The following PTPN22 variants were observed in gnomAD, a reference collection of about 807,000 sequenced individuals.
The protein encoded by PTPN22 is protein tyrosine phosphatase non-receptor type 22.
Under a neutral mutation model 103.3 loss-of-function variants are expected in PTPN22, and 85 were observed. The ratio of observed to expected loss-of-function variants is 0.82; its 90% CI spans 0.69 to 0.99. PTPN22 has a LOEUF of 0.99. Among genes scored for constraint, PTPN22 ranks in the 50% least tolerant of loss-of-function variants. PTPN22 has a pLI of 0.00. For synonymous variants in PTPN22, 323 were observed against 310.2 expected, an observed-to-expected ratio of 1.04 and a Z score of -0.43; for missense variants, 865 against 936.9, an observed-to-expected ratio of 0.92 and a Z score of 1.00.
At chr1:113,842,218 G>A (rs1212160984) in intron 11 of PTPN22, among the ~76,000 whole-genome samples, 1 of 151,720 alleles carries the variant, frequency 6.6e-6, no homozygotes, top group African/African-American at 2.4e-5. Flanking sequence ...TAAAAAAAAA[G>A]TAGGGGTGGG....
chr1:113,834,366 C>G (rs1571371391), exon 15 of PTPN22: 1 of 1,613,932 alleles, frequency 6.2e-7, no homozygotes, highest in Non-Finnish European at 8.5e-7. Context: ...ATGTTCCACC[C>G]CATTCCAGTG....
At chr1:113,860,631 G>T (rs1012013715) in intron 1 of PTPN22, among the ~76,000 whole-genome samples, 1 of 152,126 alleles carries the variant, frequency 6.6e-6, no homozygotes, top group African/African-American at 2.4e-5. Flanking sequence ...ACTAATTTGG[G>T]AATTTAAGGA....
chr1:113,860,774 C>T (rs1665507360), intron 1 of PTPN22, among the ~76,000 whole-genome samples: 1 of 152,296 alleles, frequency 6.6e-6, no homozygotes, highest in East Asian at 1.9e-4. Context: ...TCTCAAGTCC[C>T]AGAACAGTTT....
chr1:113,856,578 C>G (rs1414011494), exon 6 of PTPN22: 3 of 1,614,224 alleles, frequency 1.9e-6, no homozygotes, highest in Admixed American at 1.7e-5. Flanking sequence ...CAAATTCCAG[C>G]TGCATCTCTC....
At chr1:113,826,358 G>GAA (rs544170680) in intron 18 of PTPN22, among the ~76,000 whole-genome samples, 6 of 145,020 alleles carry the variant, frequency 4.1e-5, no homozygotes, top group Non-Finnish European at 9.0e-5. Context: ...AAGAAAGAAA[G>GAA]AGAAAGAGAG....
At chr1:113,817,679 C>T (rs552306644) in intron 20 of PTPN22, among the ~76,000 whole-genome samples, 1 of 152,170 alleles carries the variant, frequency 6.6e-6, no homozygotes, top group East Asian at 1.9e-4. Context: ...ACTTCTGGCC[C>T]CAAGTAATCC....
chr1:113,855,097 A>C, intron 7 of PTPN22, 48 bp from the exon 8 acceptor site: 2 of 1,514,144 alleles, frequency 1.3e-6, no homozygotes, highest in African/African-American at 1.4e-5. Flanking sequence ...AGGGCTGAAA[A>C]ACCACCTATT....
intron 1 of PTPN22, chr1:113,864,176 A>G: frequency 2.4e-6 from 1 of 413,540 alleles, no homozygotes; most frequent in South Asian, 1.7e-5. Flanking sequence ...AAAAATAACA[A>G]ATGGTGCTAA....
chr1:113,859,010 A>T, exon 3 of PTPN22: 1 of 1,613,696 alleles, frequency 6.2e-7, no homozygotes, highest in Admixed American at 1.7e-5. Flanking sequence ...ACCTTAATGA[A>T]GTTGGCATTG....
intron 1 of PTPN22, among the ~76,000 whole-genome samples, chr1:113,860,816 C>A (rs1665515181): frequency 6.6e-6 from 1 of 152,210 alleles, no homozygotes; most frequent in Non-Finnish European, 1.5e-5. Flanking sequence ...AAGCTCAGTG[C>A]ATACTCCTTG....
At chr1:113,834,809 A>T in intron 14 of PTPN22, 101 bp downstream of exon 14, 2 of 973,716 alleles carry the variant, frequency 2.1e-6, no homozygotes, top group South Asian at 3.0e-5. Flanking sequence ...AACTCCTCAA[A>T]CTCAAGGCTC....
intron 10 of PTPN22, among the ~76,000 whole-genome samples, chr1:113,851,431 G>A (rs1426993901): frequency 6.6e-6 from 1 of 152,166 alleles, no homozygotes; most frequent in African/African-American, 2.4e-5. Flanking sequence ...TGGGATTACA[G>A]GTGTCAGCCA....
At chr1:113,852,294 A>C (rs563798949) in intron 9 of PTPN22, among the ~76,000 whole-genome samples, 190 bp from the exon 10 acceptor site, 37 of 152,330 alleles carry the variant, frequency 2.4e-4, no homozygotes, top group African/African-American at 8.7e-4. Context: ...TATTTTCCCT[A>C]GAAAAGACTA....
intron 1 of PTPN22, among the ~76,000 whole-genome samples, 197 bp from the exon 2 acceptor site, chr1:113,859,657 T>G (rs1373763444): frequency 6.6e-6 from 1 of 152,186 alleles, no homozygotes; most frequent in East Asian, 1.9e-4. Context: ...AGTGAAAAGA[T>G]CACACTTACT....
rs1341633512 is a variant in PTPN22 at position 113,859,081 on chromosome 1, A to G, written c.197-3T>C. ...TAGTTCTACCCGGCTATAATCATCT[A>G]TAATACAAAAGACAGACATAGTACA... On this transcript the variant is annotated splice_region_variant and splice_polypyrimidine_tract_variant and intron_variant, in intron 2 of 20. Transcript: ENST00000359785. 6.2e-7 allele frequency: 1 copy of G among 1,613,326 alleles called. No homozygotes were observed. Among genetic ancestry groups the G allele is most frequent in the Non-Finnish European group, 8.5e-7 (1 of 1,179,620 alleles).
intron 11 of PTPN22, among the ~76,000 whole-genome samples, chr1:113,842,375 C>T (rs1212117268): frequency 1.3e-5 from 2 of 152,060 alleles, no homozygotes; most frequent in Non-Finnish European, 2.9e-5. Context: ...AGGATGGCTG[C>T]CATCAAAAAA....
chr1:113,816,900 C>G (rs745980188), intron 20 of PTPN22, among the ~76,000 whole-genome samples: 1 of 152,050 alleles, frequency 6.6e-6, no homozygotes, highest in Non-Finnish European at 1.5e-5. Context: ...CAGAGCAAGA[C>G]TCCATCTCAA....
chr1:113,821,664 TC>T (rs1381782278), intron 19 of PTPN22, among the ~76,000 whole-genome samples: 1 of 152,176 alleles, frequency 6.6e-6, no homozygotes, highest in Non-Finnish European at 1.5e-5. Context: ...CTTCATTCCC[TC>T]TTCTGATAAT....
At chr1:113,850,353 G>GA (rs1212447400) in intron 10 of PTPN22, among the ~76,000 whole-genome samples, 1 of 152,280 alleles carries the variant, frequency 6.6e-6, no homozygotes, top group Admixed American at 6.5e-5. Context: ...AGTAGTGTCA[G>GA]AAAAAACAGC....
Sources: gnomAD v4.1 joint callset for allele counts (sites outside exome capture counted in the v4.1 genomes callset) on GRCh38, gnomAD v4.1.1 for gene constraint, MANE v1.5 for transcripts, NCBI Gene and HGNC (gene_info 2026-07-23, HGNC 2026-07-21) for gene names.